IL1RAPL1: variants seen among roughly 807,000 people sequenced by gnomAD.
IL1RAPL1 encodes the protein interleukin 1 receptor accessory protein like 1.
In IL1RAPL1, 3 loss-of-function variants were observed where a neutral mutation model predicts 48.4. The ratio of observed to expected loss-of-function variants is 0.06; its 90% CI spans 0.03 to 0.16. IL1RAPL1 has a LOEUF of 0.16. Among genes scored for constraint, IL1RAPL1 ranks in the 10% least tolerant of loss-of-function variants. The pLI, the probability that IL1RAPL1 is intolerant of heterozygous loss-of-function variation, is 1.00. For synonymous variants in IL1RAPL1, 185 were observed against 187.7 expected (o/e 0.99, Z 0.12); for missense variants, 349 against 530.6 (o/e 0.66, Z 3.36).
intron 6 of IL1RAPL1, among the ~76,000 whole-genome samples, chrX:29,684,296 T>C (rs1464571111): frequency 3.6e-5 from 4 of 111,622 alleles, no homozygotes; most frequent in African/African-American, 1.3e-4. Flanking sequence ...GATGATGCCT[T>C]CTAGCTGAGT....
chrX:29,401,771 T>C (rs1192617894), intron 5 of IL1RAPL1, among the ~76,000 whole-genome samples: 2 of 111,262 alleles, frequency 1.8e-5, no homozygotes. Context: ...TGAGCTTTTA[T>C]GGGTGATCGA....
chrX:29,919,867 G>A, intron 7 of IL1RAPL1, 82 bp from the exon 8 acceptor site: 1 of 957,372 alleles, frequency 1.0e-6, no homozygotes, highest in African/African-American at 1.9e-5. Context: ...TTTTACATCA[G>A]ATTCGGATTC....
intron 5 of IL1RAPL1, among the ~76,000 whole-genome samples, chrX:29,639,341 T>G (rs1438920668): frequency 9.0e-6 from 1 of 111,137 alleles, no homozygotes; most frequent in African/African-American, 3.3e-5. Flanking sequence ...TGAGACAATA[T>G]TTTGCACAAA....
chrX:28,735,587 G>A (rs375350315), intron 1 of IL1RAPL1, among the ~76,000 whole-genome samples: 2 of 109,717 alleles, frequency 1.8e-5, no homozygotes, highest in South Asian at 4.0e-4. Context: ...AGCCCAGCCT[G>A]GGTGACATAG....
At chrX:29,919,493 T>C (rs1025110941) in intron 7 of IL1RAPL1, among the ~76,000 whole-genome samples, 1 of 112,571 alleles carries the variant, frequency 8.9e-6, no homozygotes, top group Non-Finnish European at 1.9e-5. Context: ...GTTAGTATCA[T>C]TAACAAAAGT....
chrX:28,692,912 T>A (rs1213015299), intron 1 of IL1RAPL1, among the ~76,000 whole-genome samples: 1 of 111,673 alleles, frequency 9.0e-6, no homozygotes, highest in African/African-American at 3.3e-5. Context: ...CTTGTATACC[T>A]TTATGGAGTA....
chrX:29,802,195 G>A (rs892262245), intron 6 of IL1RAPL1, among the ~76,000 whole-genome samples: 3 of 111,790 alleles, frequency 2.7e-5, no homozygotes, highest in African/African-American at 9.7e-5. Flanking sequence ...TGGAGCGTTC[G>A]GTAGCTAGCC....
chrX:28,675,707 G>A (rs1934989604), intron 1 of IL1RAPL1, among the ~76,000 whole-genome samples: 1 of 111,813 alleles, frequency 8.9e-6, no homozygotes, highest in African/African-American at 3.3e-5. Flanking sequence ...ATGGGGGTGG[G>A]ATGAGGAAGG....
rs200468914 is a variant in IL1RAPL1, at chrX:28,907,130, G to GT, written c.82+117710dup. On this transcript the variant is annotated intron_variant, in intron 2 of 10. Coordinates refer to ENST00000378993, the MANE Select transcript of IL1RAPL1 (RefSeq NM_014271.4). ...CACTTTTATTCCAAATTTTCTGACA[G>GT]TTTTTATTATGAATGAGTGCTGGAT... Among the ~76,000 whole-genome samples the GT allele has an allele frequency of 7.0e-3, 778 of 111,702 alleles. 7 individuals carry two copies. Among genetic ancestry groups the GT allele is most frequent in the African/African-American group, 0.024 (733 of 30,768 alleles).
intron 2 of IL1RAPL1, among the ~76,000 whole-genome samples, chrX:29,212,918 G>A (rs989507431): frequency 5.3e-5 from 6 of 112,171 alleles, no homozygotes; most frequent in Admixed American, 1.9e-4. Flanking sequence ...AGAGGCAGAA[G>A]AAAATTCATG....
intron 5 of IL1RAPL1, among the ~76,000 whole-genome samples, chrX:29,533,305 CT>C (rs1178936257): frequency 2.7e-5 from 3 of 111,988 alleles, no homozygotes; most frequent in African/African-American, 9.7e-5. Flanking sequence ...CATTACTCTA[CT>C]TTCTGTTCCT....
At chrX:28,817,276 A>G (rs991249521) in intron 2 of IL1RAPL1, among the ~76,000 whole-genome samples, 35 of 110,813 alleles carry the variant, frequency 3.2e-4, no homozygotes, top group Admixed American at 9.6e-4. Context: ...CTTATGACCA[A>G]TGTCTTCCCA....
intron 2 of IL1RAPL1, among the ~76,000 whole-genome samples, chrX:29,149,592 G>A: frequency 9.0e-6 from 1 of 111,689 alleles, no homozygotes; most frequent in Non-Finnish European, 1.9e-5. Flanking sequence ...CAACCACGGA[G>A]CCCAACCCTC....
intron 2 of IL1RAPL1, among the ~76,000 whole-genome samples, chrX:28,849,526 T>G (rs1921603176): frequency 8.9e-6 from 1 of 112,129 alleles, no homozygotes; most frequent in African/African-American, 3.2e-5. Flanking sequence ...TAAAAATATT[T>G]TACTACTTAA....
intron 6 of IL1RAPL1, among the ~76,000 whole-genome samples, chrX:29,816,537 A>C (rs1930496283): frequency 9.0e-6 from 1 of 110,813 alleles, no homozygotes; most frequent in Non-Finnish European, 1.9e-5. Context: ...ATTCCAAAAA[A>C]AAAAATTGAG....
chrX:29,363,409 A>G (rs1433429993), intron 3 of IL1RAPL1, among the ~76,000 whole-genome samples: 1 of 111,769 alleles, frequency 8.9e-6, no homozygotes, highest in Non-Finnish European at 1.9e-5. Context: ...ATCTGATGAG[A>G]AGCTATCATA....
chrX:29,080,984 CTTTCTT>C lies in IL1RAPL1; in HGVS notation c.83-201952_83-201947del, dbSNP rs1488659536. On this transcript the variant is annotated intron_variant, in intron 2 of 10. Transcript: ENST00000378993. ...TCTTTCTTTCTTTCTTTCTTTCTTT[CTTTCTT>C]TCTTTCTCTCTCTCTCTCTCTCTCT... is the stretch of plus-strand genomic sequence containing the variant. 8.6e-3 allele frequency among the ~76,000 whole-genome samples: 362 copies of C among 42,315 alleles called. 1 individual carries two copies. Among genetic ancestry groups the C allele is most frequent in the African/African-American group, 0.011 (93 of 8,284 alleles). The allele number at this position is 42,315 out of a possible 115,157, so 36.7% of individuals were successfully genotyped here. A position where few individuals can be genotyped will look rare whatever the true frequency, so the allele number is the denominator to read the frequency against.
chrX:29,692,114 T>C (rs1323790455), intron 6 of IL1RAPL1, among the ~76,000 whole-genome samples: 2 of 111,902 alleles, frequency 1.8e-5, no homozygotes, highest in African/African-American at 6.5e-5. Flanking sequence ...AAGTTTCCCC[T>C]CTCTTTTTGC....
At chrX:28,831,888 A>C (rs1448793452) in intron 2 of IL1RAPL1, among the ~76,000 whole-genome samples, 1 of 111,383 alleles carries the variant, frequency 9.0e-6, no homozygotes, top group Non-Finnish European at 1.9e-5. Context: ...TTAACTTTTT[A>C]AAAAAGCTAT....
Sources: gnomAD v4.1 joint callset for allele counts (sites outside exome capture counted in the v4.1 genomes callset) on GRCh38, gnomAD v4.1.1 for gene constraint, MANE v1.5 for transcripts, NCBI Gene and HGNC (gene_info 2026-07-23, HGNC 2026-07-21) for gene names.